The following CLIP2 variants were observed in gnomAD, a reference collection of about 807,000 sequenced individuals.
The protein encoded by CLIP2 is CAP-Gly domain-containing linker protein 2.
CLIP2 carries 41 observed loss-of-function variants against 111.7 expected under a neutral mutation model. The ratio of observed to expected loss-of-function variants is 0.37; its 90% CI spans 0.29 to 0.48. The LOEUF is 0.48. CLIP2 is among the 20% of genes least tolerant of loss of function. The probability of loss-of-function intolerance (pLI) is 0.99; values close to 1 mark genes in which losing one functional copy is unlikely to be tolerated. For missense variants in CLIP2, 1,160 were observed against 1,422.1 expected (o/e 0.82, Z 2.96); for synonymous variants, 660 against 644.2 (o/e 1.02, Z -0.37).
chr7:74,321,343 G>T (rs918032180), intron 2 of CLIP2, among the ~76,000 whole-genome samples: 2 of 152,166 alleles, frequency 1.3e-5, no homozygotes, highest in African/African-American at 4.8e-5. Flanking sequence ...TTCCGTGAAG[G>T]ATGGACCATG....
At chr7:74,318,253 G>T (rs229872) in intron 2 of CLIP2, among the ~76,000 whole-genome samples, 93,843 of 151,830 alleles carry the variant, frequency 0.62, 30,835 homozygotes, top group Middle Eastern at 0.74. Flanking sequence ...AGAGCGTGGG[G>T]GTGGCTGGGG....
At chr7:74,318,369 A>T (rs1164568775) in intron 2 of CLIP2, among the ~76,000 whole-genome samples, 1 of 152,090 alleles carries the variant, frequency 6.6e-6, no homozygotes, top group Non-Finnish European at 1.5e-5. Flanking sequence ...CAAGATGAGT[A>T]TGATGGAAGG....
intron 2 of CLIP2, among the ~76,000 whole-genome samples, chr7:74,327,644 T>C (rs1360408908): frequency 6.6e-6 from 1 of 152,202 alleles, no homozygotes; most frequent in East Asian, 1.9e-4. Context: ...GGGCAACTTC[T>C]CGGCTCTCCA....
rs547451254 is a variant in CLIP2, at chr7:74,316,560, CTTTTT to C, written c.-67-911_-67-907del. ...GCCACTGCCCCCAGCCCTTTTAGGG[CTTTTT>C]TTTTTTTTCTTTTGAGACAAGAGTC... On this transcript the variant is annotated intron_variant, in intron 1 of 16. Transcript: ENST00000223398. 8.7e-5 allele frequency among the ~76,000 whole-genome samples: 12 copies of C among 138,474 alleles called. No individual in the cohort carries two copies. The South Asian group carries it at 2.8e-3, about 32-fold the overall frequency. 90.8% of individuals were successfully genotyped at this position (138,474 alleles called of 152,430 possible). A position where few individuals can be genotyped will look rare whatever the true frequency, so the allele number is the denominator to read the frequency against.
At chr7:74,361,969 C>T (rs980894774) in intron 7 of CLIP2, among the ~76,000 whole-genome samples, 1 of 151,988 alleles carries the variant, frequency 6.6e-6, no homozygotes, top group Non-Finnish European at 1.5e-5. Context: ...GGCATGGTGG[C>T]AGGTGCCTGT....
chr7:74,343,845 G>A (rs540047257), intron 3 of CLIP2, among the ~76,000 whole-genome samples: 1 of 152,176 alleles, frequency 6.6e-6, no homozygotes, highest in Admixed American at 6.5e-5. Context: ...CAAGGCTGCA[G>A]TGAGCCACGA....
intron 13 of CLIP2, among the ~76,000 whole-genome samples, chr7:74,394,846 C>G (rs1168575013): frequency 6.6e-6 from 1 of 152,224 alleles, no homozygotes; most frequent in Non-Finnish European, 1.5e-5. Context: ...GCTGCCCTCC[C>G]TCCCCTGTCT....
intron 11 of CLIP2, among the ~76,000 whole-genome samples, chr7:74,386,231 A>G (rs147446851): frequency 0.014 from 2,049 of 150,376 alleles, 20 homozygotes; most frequent in Non-Finnish European, 0.022. Context: ...TATTTTTAGT[A>G]GAGACTCGGT....
intron 11 of CLIP2, among the ~76,000 whole-genome samples, chr7:74,385,488 A>C (rs1791063773): frequency 6.6e-6 from 1 of 151,910 alleles, no homozygotes; most frequent in Non-Finnish European, 1.5e-5. Flanking sequence ...AAAAAGGTTA[A>C]AATCGTGTTG....
At position 74,404,600 on chromosome 7, in the gene CLIP2, T is replaced by C. The variant is rs1215950166; in HGVS notation, c.*752T>C. On this transcript the variant is annotated 3_prime_UTR_variant, in exon 17 of 17. Transcript: ENST00000223398. ...AGTATTATGAAGGTTTGGAAACCCC[T>C]CTCCTCACCTCCCACCGTGACCTTG... 1.3e-5 allele frequency: 2 copies of C among 152,250 alleles called. No homozygotes were observed. The highest frequency in any genetic ancestry group is 4.8e-5 in the African/African-American group (2 of 41,306). The allele number at this position is 152,250 out of a possible 1,614,324, so 9.4% of individuals were successfully genotyped here. A position where few individuals can be genotyped will look rare whatever the true frequency, so the allele number is the denominator to read the frequency against.
At chr7:74,349,565 G>A (rs1425989283) in intron 3 of CLIP2, among the ~76,000 whole-genome samples, 1 of 140,572 alleles carries the variant, frequency 7.1e-6, no homozygotes, top group Non-Finnish European at 1.5e-5. Flanking sequence ...AATATGATTG[G>A]ACCTTGAAAA....
intron 7 of CLIP2, 23 bp downstream of exon 7, chr7:74,360,301 C>A (rs1790292374): frequency 1.9e-6 from 3 of 1,549,916 alleles, no homozygotes; most frequent in Non-Finnish European, 2.6e-6. Context: ...CCACCCTCGC[C>A]CTGGCCCTGA....
chr7:74,400,603 T>C, intron 15 of CLIP2, 48 bp downstream of exon 15: 1 of 1,476,226 alleles, frequency 6.8e-7, no homozygotes, highest in South Asian at 1.3e-5. Context: ...CACGGGGCAG[T>C]GTCCTCGGAG....
At chr7:74,355,194 T>G (rs1790113042) in intron 4 of CLIP2, among the ~76,000 whole-genome samples, 1 of 151,942 alleles carries the variant, frequency 6.6e-6, no homozygotes, top group African/African-American at 2.4e-5. Context: ...CGAAAGAAGG[T>G]AGGGTTTCCT....
intron 2 of CLIP2, among the ~76,000 whole-genome samples, chr7:74,327,123 G>A (rs568345256): frequency 6.6e-6 from 1 of 152,202 alleles, no homozygotes; most frequent in East Asian, 1.9e-4. Flanking sequence ...TGTTTTTTGA[G>A]AGAGAGTCTC....
chr7:74,342,523 G>A (rs1474697309), intron 3 of CLIP2, among the ~76,000 whole-genome samples: 1 of 152,218 alleles, frequency 6.6e-6, no homozygotes, highest in Non-Finnish European at 1.5e-5. Flanking sequence ...TTTGCTCTAA[G>A]AGCTGAGGTA....
In CLIP2 at chr7:74,373,050, C is replaced by A; in HGVS notation, c.1485+14C>A. On this transcript the variant is annotated intron_variant, in intron 9 of 16. Transcript: ENST00000223398. The stretch of plus-strand genomic sequence containing the variant: ...GCGGACAACAGGGTAACCGCGCCAC[C>A]GCACCCGCCTGGCCCGCCAGCCACC... 6.5e-7 allele frequency: 1 copy of A among 1,539,552 alleles called. No homozygotes were observed. The highest frequency in any genetic ancestry group is 8.8e-7 in the Non-Finnish European group (1 of 1,137,516).
At chr7:74,400,323 ACACACACG>A (rs1420228838) in intron 14 of CLIP2, 39 bp from the exon 15 acceptor site, 1 of 1,483,006 alleles carries the variant, frequency 6.7e-7, no homozygotes, top group Non-Finnish European at 9.1e-7. Context: ...GCCCACCAAC[ACACACACG>A]CACACTCATG....
Position 74,372,406 on chromosome 7 carries a change from G to T in CLIP2, c.1381-526G>T, listed in dbSNP as rs533423622. 3.0e-4 allele frequency among the ~76,000 whole-genome samples: 44 copies of T among 148,706 alleles called. 3 individuals are homozygous for T. The highest frequency in any genetic ancestry group is 4.4e-4 in the Non-Finnish European group (29 of 66,606). On this transcript the variant is annotated intron_variant, in intron 8 of 16. Coordinates refer to ENST00000223398, the MANE Select transcript of CLIP2 (RefSeq NM_003388.5). The stretch of plus-strand genomic sequence containing the variant: ...TTGCACTTTTAGCACAGGCCTTGGG[G>T]GGGGGGGGGAGTCGAGCGGGAATCC...
Sources: allele counts gnomAD v4.1 joint callset (sites outside exome capture counted in the v4.1 genomes callset), GRCh38; gene constraint gnomAD v4.1.1; transcripts MANE v1.5; gene names NCBI Gene and HGNC (gene_info 2026-07-23, HGNC 2026-07-21).